The following WWOX variants were observed in gnomAD, a reference collection of about 807,000 sequenced individuals.
WWOX encodes WW domain containing oxidoreductase.
Under a neutral mutation model 46.2 loss-of-function variants are expected in WWOX, and 69 were observed. The observed-to-expected ratio is 1.49, with a 90% confidence interval of 1.23 to 1.82. WWOX has a LOEUF of 1.82. Among genes scored for constraint, WWOX ranks in the 40% most tolerant of loss-of-function variants. The probability of loss-of-function intolerance (pLI) is 0.00; values close to 1 mark genes in which losing one functional copy is unlikely to be tolerated. For missense variants in WWOX, 919 were observed against 542.6 expected, an observed-to-expected ratio of 1.69 and a Z score of -6.89; for synonymous variants, 359 against 202.6, an observed-to-expected ratio of 1.77 and a Z score of -6.56.
chr16:78,748,775 C>T (rs1206743021), intron 8 of WWOX, among the ~76,000 whole-genome samples: 5 of 152,222 alleles, frequency 3.3e-5, no homozygotes, highest in African/African-American at 9.6e-5. Flanking sequence ...GGTGATATTA[C>T]ATCTGCATGC....
intron 8 of WWOX, among the ~76,000 whole-genome samples, chr16:78,470,096 G>T (rs1235458901): frequency 6.6e-6 from 1 of 152,344 alleles, no homozygotes; most frequent in East Asian, 1.9e-4. Context: ...TCTCTTCCAA[G>T]TGGTAACCCA....
At chr16:78,652,428 AAAAG>A (rs1485974673) in intron 8 of WWOX, among the ~76,000 whole-genome samples, 32 of 149,086 alleles carry the variant, frequency 2.1e-4, no homozygotes, top group Admixed American at 6.6e-4. Flanking sequence ...AAAAAAAAAA[AAAAG>A]AAAAAGAAAA....
At chr16:78,140,017 T>G (rs988375581) in intron 4 of WWOX, among the ~76,000 whole-genome samples, 5 of 152,118 alleles carry the variant, frequency 3.3e-5, no homozygotes, top group African/African-American at 1.2e-4. Flanking sequence ...CATGTGCAAG[T>G]GCCAAGCAGG....
At chr16:78,817,328 A>T (rs2142731525) in intron 8 of WWOX, among the ~76,000 whole-genome samples, 1 of 152,152 alleles carries the variant, frequency 6.6e-6, no homozygotes, top group Middle Eastern at 3.4e-3. Context: ...GCATCTTATT[A>T]CATTAATTTT....
chr16:78,204,008 G>A lies in WWOX; in HGVS notation c.516+39719G>A, dbSNP rs11861613. ...TATCTATAGTCTGCTTGGACATGGCGGTGTGGCCACTGACACGTTGTCAGC... is the reference window on the plus strand; with the variant it reads ...TATCTATAGTCTGCTTGGACATGGCAGTGTGGCCACTGACACGTTGTCAGC... On this transcript the variant is annotated intron_variant, in intron 5 of 8. Coordinates refer to ENST00000566780, the MANE Select transcript of WWOX (RefSeq NM_016373.4). Among the ~76,000 whole-genome samples, 378 of 152,260 alleles carry A rather than the reference G, an allele frequency of 2.5e-3. 3 individuals carry two copies. Among genetic ancestry groups the A allele is most frequent in the African/African-American group, 8.8e-3 (366 of 41,552 alleles).
At chr16:78,613,083 A>T (rs1436424784) in intron 8 of WWOX, among the ~76,000 whole-genome samples, 2 of 152,038 alleles carry the variant, frequency 1.3e-5, no homozygotes, top group African/African-American at 2.4e-5. Context: ...TTAGTAACTC[A>T]TGGTTTCTGC....
chr16:78,261,776 C>CTATATATATATATA (rs1420854261), intron 5 of WWOX, among the ~76,000 whole-genome samples: 5 of 38,368 alleles, frequency 1.3e-4, no homozygotes, highest in South Asian at 1.6e-3. Flanking sequence ...ATCTATGTAT[C>CTATATATATATATA]TATCTATCTA....
At chr16:78,728,269 TG>T (rs2048884587) in intron 8 of WWOX, among the ~76,000 whole-genome samples, 1 of 151,934 alleles carries the variant, frequency 6.6e-6, no homozygotes, top group South Asian at 2.1e-4. Flanking sequence ...CCCACTGTGT[TG>T]CCCAAGCTGG....
At chr16:78,870,343 T>G (rs998241785) in intron 8 of WWOX, among the ~76,000 whole-genome samples, 1 of 152,164 alleles carries the variant, frequency 6.6e-6, no homozygotes, top group African/African-American at 2.4e-5. Context: ...TTTTCAAACT[T>G]TAGAATCACA....
At chr16:78,298,778 C>T (rs573681753) in intron 5 of WWOX, among the ~76,000 whole-genome samples, 47 of 131,938 alleles carry the variant, frequency 3.6e-4, no homozygotes, top group African/African-American at 1.1e-3. Context: ...GCAACAAGAG[C>T]GAAACTCTGT....
At chr16:78,335,616 G>C (rs1048751650) in intron 5 of WWOX, among the ~76,000 whole-genome samples, 1 of 152,126 alleles carries the variant, frequency 6.6e-6, no homozygotes, top group African/African-American at 2.4e-5. Context: ...CAAAGGAATA[G>C]AAATGATTGT....
intron 8 of WWOX, among the ~76,000 whole-genome samples, chr16:78,452,566 C>T (rs2083718926): frequency 1.4e-5 from 2 of 148,138 alleles, no homozygotes; most frequent in South Asian, 2.1e-4. Flanking sequence ...ACCTCTGACT[C>T]CCAGGTTCAA....
chr16:78,527,284 C>CT (rs1452594983), intron 8 of WWOX, among the ~76,000 whole-genome samples: 1 of 137,784 alleles, frequency 7.3e-6, no homozygotes, highest in Non-Finnish European at 1.5e-5. Flanking sequence ...GTATCTCGCT[C>CT]TTTTTTTCTT....
At chr16:78,471,120 A>T (rs1274553959) in intron 8 of WWOX, among the ~76,000 whole-genome samples, 1 of 152,164 alleles carries the variant, frequency 6.6e-6, no homozygotes, top group Admixed American at 6.5e-5. Flanking sequence ...TCTAGGACTG[A>T]ACAGGGAAGA....
At chr16:78,727,060 C>A (rs919356854) in intron 8 of WWOX, among the ~76,000 whole-genome samples, 3 of 152,136 alleles carry the variant, frequency 2.0e-5, no homozygotes, top group African/African-American at 7.2e-5. Flanking sequence ...ATCGCCAGTC[C>A]CAGTGCCCTT....
intron 8 of WWOX, among the ~76,000 whole-genome samples, chr16:78,463,621 A>T: frequency 6.6e-6 from 1 of 152,196 alleles, no homozygotes; most frequent in East Asian, 1.9e-4. Context: ...GCATCTTACG[A>T]ATCTGGCACA....
At chr16:78,708,386 T>C (rs913048305) in intron 8 of WWOX, among the ~76,000 whole-genome samples, 2 of 152,238 alleles carry the variant, frequency 1.3e-5, no homozygotes, top group Non-Finnish European at 2.9e-5. Context: ...TTTTATTTGC[T>C]AGACGTAGCA....
At chr16:78,972,465 G>C (rs935429549) in intron 8 of WWOX, among the ~76,000 whole-genome samples, 2 of 84,704 alleles carry the variant, frequency 2.4e-5, no homozygotes, top group African/African-American at 1.1e-4. Flanking sequence ...TCAGCAAGCA[G>C]GGGTGAAAAA....
intron 8 of WWOX, among the ~76,000 whole-genome samples, chr16:79,175,196 A>G (rs1397305095): frequency 2.0e-5 from 3 of 152,230 alleles, no homozygotes; most frequent in African/African-American, 4.8e-5. Flanking sequence ...GCCTCATTCT[A>G]GTTGCTTGAA....
Sources: allele counts gnomAD v4.1 joint callset (sites outside exome capture counted in the v4.1 genomes callset), GRCh38; gene constraint gnomAD v4.1.1; transcripts MANE v1.5; gene names NCBI Gene and HGNC (gene_info 2026-07-23, HGNC 2026-07-21).